The following TLL1 variants were observed in gnomAD, a reference collection of about 807,000 sequenced individuals.
The protein encoded by TLL1 is tolloid like 1, also known as tolloid-like protein 1.
Under a neutral mutation model 128.2 loss-of-function variants are expected in TLL1, and 49 were observed. The ratio of observed to expected loss-of-function variants is 0.38; its 90% confidence interval spans 0.30 to 0.48. The LOEUF is 0.48. Ranked by LOEUF, TLL1 falls within the 20% of genes least tolerant of loss-of-function variation. The pLI is 0.96. For synonymous variants in TLL1, 454 were observed against 418.8 expected (o/e 1.08, Z -1.03); for missense variants, 1,123 against 1,242.0 (o/e 0.90, Z 1.44).
intron 6 of TLL1, among the ~76,000 whole-genome samples, chr4:166,005,398 T>C (rs1737375793): frequency 6.6e-6 from 1 of 151,804 alleles, no homozygotes; most frequent in South Asian, 2.1e-4. Context: ...ATAAAATGGG[T>C]AAAAACAATA....
At chr4:165,946,079 T>C (rs1004823940) in intron 1 of TLL1, among the ~76,000 whole-genome samples, 2 of 152,182 alleles carry the variant, frequency 1.3e-5, no homozygotes, top group Non-Finnish European at 2.9e-5. Flanking sequence ...TGAGGAGGAA[T>C]GCACGTGGCC....
intron 1 of TLL1, among the ~76,000 whole-genome samples, chr4:165,909,826 A>G (rs1486644424): frequency 6.6e-6 from 1 of 152,208 alleles, no homozygotes; most frequent in Non-Finnish European, 1.5e-5. Flanking sequence ...AACAGGGATC[A>G]TTACCCTCAT....
intron 1 of TLL1, among the ~76,000 whole-genome samples, chr4:165,985,875 T>C: frequency 6.6e-6 from 1 of 151,942 alleles, no homozygotes; most frequent in South Asian, 2.1e-4. Flanking sequence ...AAAATTGTTC[T>C]CTCTGACATT....
At chr4:165,901,056 G>A (rs1561015949) in intron 1 of TLL1, among the ~76,000 whole-genome samples, 2 of 151,872 alleles carry the variant, frequency 1.3e-5, no homozygotes, top group Non-Finnish European at 1.5e-5. Context: ...TTTGCTGCAC[G>A]AAGTTCTCGT....
intron 1 of TLL1, among the ~76,000 whole-genome samples, chr4:165,986,496 G>T (rs777517312): frequency 3.3e-5 from 5 of 151,950 alleles, no homozygotes; most frequent in African/African-American, 1.2e-4. Context: ...AAGTCTGGCC[G>T]TAAATGAATT....
At chr4:166,050,718 C>T (rs1579674617) in intron 12 of TLL1, among the ~76,000 whole-genome samples, 1 of 152,284 alleles carries the variant, frequency 6.6e-6, no homozygotes, top group East Asian at 1.9e-4. Flanking sequence ...AGTGCCAGAG[C>T]TCACCCACAT....
At chr4:165,964,719 C>T (rs1014390923) in intron 1 of TLL1, among the ~76,000 whole-genome samples, 22 of 152,056 alleles carry the variant, frequency 1.4e-4, no homozygotes, top group South Asian at 4.2e-4. Flanking sequence ...GGACAGGAGC[C>T]GGGAGGACAG....
At position 166,043,360 on chromosome 4, in the gene TLL1, G is replaced by T. The variant is rs768619554; in HGVS notation, c.1465G>T (p.Val489Leu). The T allele has an allele frequency of 6.2e-7, 1 of 1,614,018 alleles. No individual in the cohort carries two copies. ...TGACTATCGCCCGATGAAAGAATGT[G>T]TGTGGAAAATAACAGTGTCTGAGAG... Reference protein sequence around the residue: ...PDDYRPMKECVWKITVSESYH... With the variant: ...PDDYRPMKECLWKITVSESYH... The change falls in exon 12 of 21, where the codon GTG becomes TTG. Residue 489 changes from valine (V) to leucine (L), a missense_variant. Transcript: ENST00000061240.
In TLL1 at chr4:165,939,288, A is replaced by T. The variant is rs375586796; in HGVS notation, c.170-50093A>T. 1.3e-4 allele frequency among the ~76,000 whole-genome samples: 20 copies of T among 152,172 alleles called. 1 individual carries two copies. Among genetic ancestry groups the T allele is most frequent in the Admixed American group, 5.2e-4 (8 of 15,268 alleles). On this transcript the variant is annotated intron_variant, in intron 1 of 20. Coordinates refer to ENST00000061240, the MANE Select transcript of TLL1 (RefSeq NM_012464.5). ...ATTATATAAGCTGCCAATCTTCTTG[A>T]TATGGGGCAGGAAAAGGGGGCTTTG...
At chr4:165,894,839 A>ATG (rs1431025151) in intron 1 of TLL1, among the ~76,000 whole-genome samples, 18 of 128,260 alleles carry the variant, frequency 1.4e-4, no homozygotes, top group African/African-American at 5.6e-4. Context: ...TTGTCAAATG[A>ATG]TGAGTGTGTG....
intron 18 of TLL1, among the ~76,000 whole-genome samples, chr4:166,080,463 T>C (rs1741237139): frequency 6.6e-6 from 1 of 152,200 alleles, no homozygotes; most frequent in Non-Finnish European, 1.5e-5. Context: ...CTTTAACTTA[T>C]CAATGTTAAA....
chr4:166,028,950 A>G (rs560223515), intron 9 of TLL1, among the ~76,000 whole-genome samples: 5 of 151,540 alleles, frequency 3.3e-5, no homozygotes, highest in African/African-American at 1.2e-4. Context: ...GCTTATTTTA[A>G]TTCTATTTAT....
chr4:166,080,589 GTC>G (rs971653391), intron 18 of TLL1, among the ~76,000 whole-genome samples: 7 of 151,676 alleles, frequency 4.6e-5, no homozygotes, highest in African/African-American at 1.7e-4. Flanking sequence ...GCCTTTTTGT[GTC>G]TCTTTTTTTA....
At chr4:165,932,387 T>C (rs868459857) in intron 1 of TLL1, among the ~76,000 whole-genome samples, 4 of 152,226 alleles carry the variant, frequency 2.6e-5, no homozygotes, top group Admixed American at 1.3e-4. Context: ...GTATTTCTAA[T>C]AGAAAGTATT....
chr4:166,028,995 C>A (rs941511856), intron 9 of TLL1, among the ~76,000 whole-genome samples: 1 of 151,438 alleles, frequency 6.6e-6, no homozygotes, highest in Non-Finnish European at 1.5e-5. Context: ...AGTATACAGT[C>A]CAGTTTATTT....
At position 166,099,154 on chromosome 4, in the gene TLL1, T is replaced by A; in HGVS notation, c.2657-123T>A. 2.0e-6 allele frequency: 3 copies of A among 1,470,656 alleles called. No individual in the cohort carries two copies. In the Admixed American group the frequency reaches 5.1e-5, roughly 25 times the overall value. The allele number at this position is 1,470,656 out of a possible 1,614,324, so 91.1% of individuals were successfully genotyped here. The stretch of plus-strand genomic sequence containing the variant: ...ACTCTCCAGTTGTGGAAAACATATC[T>A]GACGCTGGAAGTAGAAACAGAAGTT... On this transcript the variant is annotated intron_variant, in intron 19 of 20. Transcript: ENST00000061240.
intron 1 of TLL1, among the ~76,000 whole-genome samples, chr4:165,969,133 G>A (rs1477580991): frequency 6.6e-6 from 1 of 152,062 alleles, no homozygotes; most frequent in Non-Finnish European, 1.5e-5. Context: ...TGTTATGAGA[G>A]ATTTTTGATA....
chr4:166,059,094 T>C lies in TLL1; in HGVS notation c.1847-934T>C, dbSNP rs184702129. On this transcript the variant is annotated intron_variant, in intron 14 of 20. Transcript: ENST00000061240. Reference sequence around the variant, plus strand: ...ATCAAAAAATAACAAGACTACTGTTTCTGTGGAGCAACTAGAAATACTTAT... The same window carrying C: ...ATCAAAAAATAACAAGACTACTGTTCCTGTGGAGCAACTAGAAATACTTAT... 9.2e-5 allele frequency among the ~76,000 whole-genome samples: 14 copies of C among 152,266 alleles called. No individual in the cohort carries two copies. The East Asian group carries it at 2.7e-3, about 29-fold the overall frequency.
intron 3 of TLL1, among the ~76,000 whole-genome samples, chr4:165,993,361 G>A (rs1736726774): frequency 1.3e-5 from 2 of 152,026 alleles, no homozygotes; most frequent in African/African-American, 4.8e-5. Context: ...AACTAATTAT[G>A]CCTCTGGCTC....
Sources: gnomAD v4.1 joint callset for allele counts (sites outside exome capture counted in the v4.1 genomes callset) on GRCh38, gnomAD v4.1.1 for gene constraint, MANE v1.5 for transcripts, NCBI Gene and HGNC (gene_info 2026-07-23, HGNC 2026-07-21) for gene names.